Variants in HMCN1 observed in about 807,000 individuals in gnomAD.
HMCN1 encodes hemicentin-1.
A neutral mutation model predicts 625.9 loss-of-function variants in HMCN1; 321 were observed. The observed-to-expected ratio is 0.51, with a 90% CI of 0.47 to 0.56. HMCN1 has a LOEUF of 0.56. Ranked by LOEUF, HMCN1 falls within the 20% of genes least tolerant of loss-of-function variation. HMCN1 has a pLI of 0.00. For missense variants in HMCN1, 6,588 were observed against 6,887.3 expected, an observed-to-expected ratio of 0.96 and a Z score of 1.54; for synonymous variants, 2,425 against 2,417.6, an observed-to-expected ratio of 1.00 and a Z score of -0.09.
intron 1 of HMCN1, among the ~76,000 whole-genome samples, chr1:185,800,438 G>A (rs1658718140): frequency 6.6e-6 from 1 of 151,888 alleles, no homozygotes; most frequent in Non-Finnish European, 1.5e-5. Flanking sequence ...ACTATATGTT[G>A]GAAATCATCC....
intron 34 of HMCN1, among the ~76,000 whole-genome samples, chr1:186,018,570 C>G (rs1224476115): frequency 6.6e-6 from 1 of 151,684 alleles, no homozygotes; most frequent in Non-Finnish European, 1.5e-5. Context: ...AGACAGTAGC[C>G]AAAATAACTC....
chr1:185,909,529 C>T (rs529748843), intron 5 of HMCN1, 21 bp downstream of exon 5: 3 of 1,600,006 alleles, frequency 1.9e-6, no homozygotes, highest in East Asian at 4.5e-5. Flanking sequence ...TCAAACATCA[C>T]ATAATAAAAT....
intron 36 of HMCN1, among the ~76,000 whole-genome samples, chr1:186,030,606 C>CAGTT (rs1369455028): frequency 8.6e-5 from 13 of 152,022 alleles, no homozygotes; most frequent in African/African-American, 2.4e-4. Context: ...AGGCAACATA[C>CAGTT]AGTTGAATTT....
chr1:186,154,064 G>A (rs1650841375), intron 97 of HMCN1, 77 bp downstream of exon 97: 10 of 1,108,250 alleles, frequency 9.0e-6, no homozygotes, highest in Non-Finnish European at 1.2e-5. Context: ...TAAGGACATT[G>A]AGGCCTACAT....
intron 1 of HMCN1, among the ~76,000 whole-genome samples, chr1:185,752,289 G>A (rs1204094923): frequency 6.6e-6 from 1 of 151,774 alleles, no homozygotes; most frequent in African/African-American, 2.4e-5. Flanking sequence ...TTACTGATAG[G>A]GCTCAGCTTT....
intron 1 of HMCN1, among the ~76,000 whole-genome samples, chr1:185,816,845 G>A (rs1019418455): frequency 3.9e-5 from 6 of 152,224 alleles, no homozygotes; most frequent in Non-Finnish European, 8.8e-5. Context: ...TATGATTACT[G>A]CATGGTTTGA....
chr1:186,065,391 C>T lies in HMCN1; in HGVS notation c.7667C>T (p.Ala2556Val). ...GRYTCLASSP[A>V]GHKSRSFSLN... The stretch of plus-strand genomic sequence containing the variant: ...TATACATGTTTGGCTTCCAGTCCAG[C>T]TGGCCACAAGAGCAGGAGCTTCAGT... Residue 2556 changes from alanine to valine, a missense_variant, in exon 49 of 107, where the codon GCT (alanine) becomes GTT (valine). Around this residue, in one of 3 missense-constraint regions of HMCN1, gnomAD observed 4,628 missense variants for 4,853.1 expected, o/e 0.95. Coordinates refer to ENST00000271588, the MANE Select transcript of HMCN1 (RefSeq NM_031935.3). 6.2e-7 allele frequency: 1 copy of T among 1,609,986 alleles called. No homozygotes were observed. The highest frequency in any genetic ancestry group is 1.1e-5 in the South Asian group (1 of 90,908).
chr1:186,147,390 CTTT>C (rs11287093), intron 93 of HMCN1, among the ~76,000 whole-genome samples: 9 of 138,430 alleles, frequency 6.5e-5, no homozygotes, highest in South Asian at 2.3e-4. Flanking sequence ...GGCTTCATGT[CTTT>C]TTTTTTTTTT....
chr1:186,124,152 C>T (rs1156386915), intron 81 of HMCN1, among the ~76,000 whole-genome samples: 1 of 151,956 alleles, frequency 6.6e-6, no homozygotes, highest in Admixed American at 6.6e-5. Context: ...ATATACTAAA[C>T]AAAGAAATTG....
chr1:185,885,000 G>A (rs988397514), intron 4 of HMCN1, among the ~76,000 whole-genome samples: 8 of 151,632 alleles, frequency 5.3e-5, no homozygotes, highest in African/African-American at 9.7e-5. Context: ...ATCAAGTTGA[G>A]CATTAATAAT....
intron 89 of HMCN1, among the ~76,000 whole-genome samples, chr1:186,138,356 GTAAATACGAATCGCTGTCATTCAC>G (rs1334904672): frequency 6.6e-6 from 1 of 152,190 alleles, no homozygotes; most frequent in Non-Finnish European, 1.5e-5. Flanking sequence ...CTGGTGAGGA[GTAAATACGAATCGCTGTCATTCAC>G]TAAATACTTG....
At chr1:186,040,980 A>G (rs1656164495) in intron 39 of HMCN1, 33 bp from the exon 40 acceptor site, 2 of 1,609,364 alleles carry the variant, frequency 1.2e-6, no homozygotes, top group African/African-American at 2.7e-5. Context: ...TCTCAGAGAC[A>G]TATTGGTTAT....
intron 47 of HMCN1, among the ~76,000 whole-genome samples, 155 bp downstream of exon 47, chr1:186,062,119 G>A (rs969974360): frequency 2.6e-4 from 39 of 152,076 alleles, no homozygotes; most frequent in African/African-American, 9.2e-4. Context: ...ATTGTTTGGA[G>A]GTAATCAGGC....
chr1:185,976,227 A>G (rs1651202409), intron 15 of HMCN1, among the ~76,000 whole-genome samples: 2 of 152,138 alleles, frequency 1.3e-5, no homozygotes, highest in Non-Finnish European at 2.9e-5. Context: ...AAGATTGCCA[A>G]TATTTCAACA....
At chr1:186,097,086 A>C (rs1660171261) in intron 68 of HMCN1, among the ~76,000 whole-genome samples, 1 of 152,160 alleles carries the variant, frequency 6.6e-6, no homozygotes, top group African/African-American at 2.4e-5. Context: ...GAAAGGAGGA[A>C]GTCAAATGTT....
intron 1 of HMCN1, among the ~76,000 whole-genome samples, chr1:185,823,527 C>T (rs531211005): frequency 6.6e-6 from 1 of 151,938 alleles, no homozygotes; most frequent in East Asian, 1.9e-4. Context: ...TTGATGTTGC[C>T]TCAGTTTACT....
Position 185,959,746 on chromosome 1 carries a change from C to A in HMCN1, c.1829-2772C>A, listed in dbSNP as rs1241061661. On this transcript the variant is annotated intron_variant, in intron 11 of 106. Coordinates refer to ENST00000271588, the MANE Select transcript of HMCN1 (RefSeq NM_031935.3). ...CTTCTCTCCAAAGCCTAAAATTGAA[C>A]TCCGGACTTCTAAATCCAACATTAG... Among the ~76,000 whole-genome samples, 3 of 152,174 alleles carry A rather than the reference C, an allele frequency of 2.0e-5. No homozygotes were observed. In the East Asian group the frequency reaches 5.8e-4, roughly 29 times the overall value.
intron 46 of HMCN1, among the ~76,000 whole-genome samples, chr1:186,058,982 C>T (rs1657516939): frequency 6.6e-6 from 1 of 152,006 alleles, no homozygotes; most frequent in South Asian, 2.1e-4. Context: ...ACTTTGCTAA[C>T]TTCAGTTTGA....
At chr1:185,970,549 A>G (rs2101969861) in intron 15 of HMCN1, 56 bp downstream of exon 15, 1 of 1,421,746 alleles carries the variant, frequency 7.0e-7, no homozygotes, top group Non-Finnish European at 9.9e-7. Flanking sequence ...GTTATTTTTC[A>G]TGTTTAATAA....
Sources: allele counts gnomAD v4.1 joint callset (sites outside exome capture counted in the v4.1 genomes callset), GRCh38; gene constraint gnomAD v4.1.1; regional missense constraint gnomAD v4.1.1; transcripts MANE v1.5; gene names NCBI Gene and HGNC (gene_info 2026-07-23, HGNC 2026-07-21).